Variants in PCDHA6 observed in about 807,000 individuals in gnomAD.
The protein encoded by PCDHA6 is protocadherin alpha 6.
A neutral mutation model predicts 60.3 loss-of-function variants in PCDHA6; 55 were observed. That is an observed-to-expected ratio of 0.91 (90% confidence interval 0.73 to 1.14). PCDHA6 has a LOEUF of 1.14. PCDHA6 is among the 50% of genes most tolerant of loss of function. The pLI is 0.00. For missense variants in PCDHA6, 1,327 were observed against 1,256.5 expected, an observed-to-expected ratio of 1.06 and a Z score of -0.85; for synonymous variants, 652 against 557.9, an observed-to-expected ratio of 1.17 and a Z score of -2.38.
chr5:140,838,120 G>T (rs1045969296), intron 1 of PCDHA6, among the ~76,000 whole-genome samples: 1 of 146,176 alleles, frequency 6.8e-6, no homozygotes, highest in Non-Finnish European at 1.5e-5. Flanking sequence ...GTGTGTGTGT[G>T]TGTGTGTGTG....
At chr5:140,856,352 A>G in intron 1 of PCDHA6, 1 of 1,598,598 alleles carries the variant, frequency 6.3e-7, no homozygotes, top group South Asian at 1.1e-5. Context: ...CGTGGAGTGC[A>G]GCATCCACCT....
At chr5:140,837,699 G>A (rs1405347707) in intron 1 of PCDHA6, among the ~76,000 whole-genome samples, 3 of 146,052 alleles carry the variant, frequency 2.1e-5, no homozygotes, top group Non-Finnish European at 4.5e-5. Flanking sequence ...TTCAAGACAC[G>A]CTCTCACTCC....
intron 1 of PCDHA6, among the ~76,000 whole-genome samples, chr5:140,951,315 C>T (rs782114634): frequency 6.6e-6 from 1 of 151,988 alleles, no homozygotes. Context: ...ATGTGTTATT[C>T]TTGAGATTCA....
At chr5:140,890,968 T>C (rs559851253) in intron 1 of PCDHA6, among the ~76,000 whole-genome samples, 7 of 152,190 alleles carry the variant, frequency 4.6e-5, no homozygotes, top group African/African-American at 7.2e-5. Flanking sequence ...AGGTTTTGTT[T>C]TTCTGAAAAT....
chr5:140,957,104 C>T (rs2095333785), intron 1 of PCDHA6, among the ~76,000 whole-genome samples: 1 of 152,104 alleles, frequency 6.6e-6, no homozygotes, highest in Non-Finnish European at 1.5e-5. Context: ...TTGCTATGGA[C>T]ATGATTCTGT....
At chr5:140,943,275 AAAG>A (rs1197372058) in intron 1 of PCDHA6, among the ~76,000 whole-genome samples, 86 of 137,844 alleles carry the variant, frequency 6.2e-4, no homozygotes, top group African/African-American at 2.2e-3. Flanking sequence ...AAAAAAAAAA[AAAG>A]AAAGAAAGAA....
chr5:140,877,156 G>A (rs1471783281), intron 1 of PCDHA6: 1 of 1,613,692 alleles, frequency 6.2e-7, no homozygotes, highest in Admixed American at 1.7e-5. Context: ...GAACGACAAC[G>A]CGCCGGCACT....
intron 1 of PCDHA6, among the ~76,000 whole-genome samples, chr5:140,899,817 T>C (rs1360189018): frequency 6.6e-6 from 1 of 152,178 alleles, no homozygotes; most frequent in East Asian, 1.9e-4. Flanking sequence ...TTGTTTTGTT[T>C]TTCCTTTTTG....
chr5:140,955,324 T>G (rs1358791050), intron 1 of PCDHA6, among the ~76,000 whole-genome samples: 8 of 152,186 alleles, frequency 5.3e-5, no homozygotes, highest in Non-Finnish European at 8.8e-5. Flanking sequence ...CCTTGAATTG[T>G]AGTTCCCATA....
chr5:140,925,673 T>TAATAAA (rs2082657999), intron 1 of PCDHA6, among the ~76,000 whole-genome samples: 1 of 146,030 alleles, frequency 6.8e-6, no homozygotes, highest in Non-Finnish European at 1.5e-5. Context: ...ATAATAATAA[T>TAATAAA]AATAAAGCGA....
intron 1 of PCDHA6, among the ~76,000 whole-genome samples, chr5:140,879,173 G>A (rs1010561937): frequency 6.6e-6 from 1 of 152,278 alleles, no homozygotes; most frequent in Non-Finnish European, 1.5e-5. Context: ...AATAAATTAG[G>A]TATCAAGTAA....
chr5:141,006,233 A>G (rs1311441986), intron 3 of PCDHA6, among the ~76,000 whole-genome samples: 2 of 151,044 alleles, frequency 1.3e-5, no homozygotes, highest in African/African-American at 4.9e-5. Flanking sequence ...TTATTTTTAG[A>G]TGGAGTCTTG....
intron 1 of PCDHA6, chr5:140,834,961 G>A: frequency 6.6e-7 from 1 of 1,524,338 alleles, no homozygotes; most frequent in Non-Finnish European, 8.9e-7. Context: ...AAACCTCTTG[G>A]ACTTGTATTA....
chr5:140,997,349 G>A (rs954510019), intron 3 of PCDHA6, among the ~76,000 whole-genome samples: 3 of 152,256 alleles, frequency 2.0e-5, no homozygotes, highest in South Asian at 2.1e-4. Context: ...ATCATAGAAT[G>A]TACTTACATA....
At chr5:140,836,422 C>T in intron 1 of PCDHA6, 1 of 1,613,788 alleles carries the variant, frequency 6.2e-7, no homozygotes, top group South Asian at 1.1e-5. Context: ...AAGGCGTCGT[C>T]GCGGGCATCG....
chr5:140,855,822 A>G (rs1409014183), intron 1 of PCDHA6: 5 of 538,132 alleles, frequency 9.3e-6, no homozygotes, highest in South Asian at 3.1e-5. Flanking sequence ...TTGTGAACTC[A>G]TGGAATCGTA....
At chr5:140,999,933 A>T (rs1554257043) in intron 3 of PCDHA6, among the ~76,000 whole-genome samples, 1 of 152,124 alleles carries the variant, frequency 6.6e-6, no homozygotes, top group African/African-American at 2.4e-5. Context: ...AGCTCAACTC[A>T]TTCCACCCAA....
At chr5:140,899,382 TGA>T (rs2067295037) in intron 1 of PCDHA6, among the ~76,000 whole-genome samples, 1 of 152,198 alleles carries the variant, frequency 6.6e-6, no homozygotes, top group Non-Finnish European at 1.5e-5. Context: ...CCTAATTTAT[TGA>T]GAGTTTTTAG....
At chr5:140,834,207 T>C in intron 1 of PCDHA6, 1 of 628,528 alleles carries the variant, frequency 1.6e-6, no homozygotes, top group Non-Finnish European at 2.7e-6. Flanking sequence ...CCGCAAATTC[T>C]TTCGTAATCA....
Sources: allele counts gnomAD v4.1 joint callset (sites outside exome capture counted in the v4.1 genomes callset), GRCh38; gene constraint gnomAD v4.1.1; transcripts MANE v1.5; gene names NCBI Gene and HGNC (gene_info 2026-07-23, HGNC 2026-07-21).